Variants in CHAT observed in about 807,000 individuals in gnomAD.
The protein encoded by CHAT is choline O-acetyltransferase.
A neutral mutation model predicts 76.9 loss-of-function variants in CHAT; 61 were observed. The observed-to-expected ratio is 0.79, with a 90% CI of 0.65 to 0.98. The LOEUF (loss-of-function observed/expected upper bound fraction) is 0.98, where lower values mean the gene tolerates loss of function less well. CHAT is among the 50% of genes least tolerant of loss of function. The probability of loss-of-function intolerance (pLI) is 0.00; values close to 1 mark genes in which losing one functional copy is unlikely to be tolerated. For missense variants in CHAT, 946 were observed against 986.9 expected, an observed-to-expected ratio of 0.96 and a Z score of 0.56; for synonymous variants, 407 against 397.4, an observed-to-expected ratio of 1.02 and a Z score of -0.29.
In CHAT at chr10:49,614,305, C is replaced by G; in HGVS notation, c.116C>G (p.Ser39Trp). 1 of 1,547,792 alleles carries G rather than the reference C, an allele frequency of 6.5e-7. No individual in the cohort carries two copies. Among genetic ancestry groups the G allele is most frequent in the Non-Finnish European group, 8.7e-7 (1 of 1,146,252 alleles). ...GTGCGGCCAGCTTGCTTTCTCCAGT[C>G]GGGTGGCCGCGGGGACCCGGGCGAC... Reference protein sequence around the residue: ...REVRPACFLQSGGRGDPGDVG... With the variant: ...REVRPACFLQWGGRGDPGDVG... Residue 39 changes from serine to tryptophan, a missense_variant, in exon 1 of 15, where the codon TCG (serine) becomes TGG (tryptophan). Ser to Trp is a radical substitution (Grantham distance 177). Transcript: ENST00000337653.
Position 49,620,500 on chromosome 10 carries a change from T to G in CHAT, c.585T>G (p.Ser195=). 1 of 1,612,018 alleles carries G rather than the reference T, an allele frequency of 6.2e-7. No individual in the cohort carries two copies. Among genetic ancestry groups the G allele is most frequent in the African/African-American group, 1.3e-5 (1 of 75,010 alleles). ...ERQEKTANWV[S]EYWLNDMYLN... is the part of the protein sequence containing the mutation. ...TTCCCTGCCCTCCCCGGCAGGTGTCTGAGTACTGGCTGAATGACATGTATC... is the reference window on the plus strand; with the variant it reads ...TTCCCTGCCCTCCCCGGCAGGTGTCGGAGTACTGGCTGAATGACATGTATC... Residue 195 remains serine (S), a synonymous_variant, in exon 4 of 15, where the codon TCT becomes TCG. Coordinates refer to ENST00000337653, the MANE Select transcript of CHAT (RefSeq NM_020549.5).
Position 49,655,101 on chromosome 10 carries a change from T to C in CHAT, c.1641T>C (p.His547=), listed in dbSNP as rs8178992. Residue 547 remains histidine, a synonymous_variant, in exon 12 of 15, where the codon CAT becomes CAC. Transcript: ENST00000337653. ...CATCCTTCATCCCACGCAGGCTCCA[T>C]CGAAGACTGGTGCCCACCTACGAGA... ...VALQLAFYRL[H]RRLVPTYESA... 0.88 allele frequency: 1,422,937 copies of C among 1,613,882 alleles called. 630,914 individuals are homozygous for C. The highest frequency in any genetic ancestry group is 0.91 in the Non-Finnish European group (1,072,234 of 1,179,906).
intron 13 of CHAT, among the ~76,000 whole-genome samples, chr10:49,659,670 T>A (rs199641149): frequency 6.6e-6 from 1 of 152,138 alleles, no homozygotes; most frequent in East Asian, 1.9e-4. Context: ...AAGACCAGCC[T>A]GGCCAACATG....
intron 6 of CHAT, among the ~76,000 whole-genome samples, chr10:49,627,256 T>C (rs762471376): frequency 4.6e-5 from 7 of 152,246 alleles, no homozygotes; most frequent in Non-Finnish European, 1.5e-5. Context: ...CATTTATAAG[T>C]GCAATTGCTT....
In CHAT at chr10:49,620,577, C is replaced by T. The variant is rs1375003470; in HGVS notation, c.662C>T (p.Ala221Val). 1.2e-6 allele frequency: 2 copies of T among 1,613,618 alleles called. No individual in the cohort carries two copies. Among genetic ancestry groups the T allele is most frequent in the Non-Finnish European group, 1.7e-6 (2 of 1,179,722 alleles). ...AACTCCAGCCCTGCCGTGATCTTTG[C>T]TCGGCAGCACTTCCCTGGCACCGAT... ...PVNSSPAVIF[A>V]RQHFPGTDDQ... Residue 221 changes from alanine to valine, a missense_variant, in exon 4 of 15, where the codon GCT becomes GTT. Around this residue, in one of 3 missense-constraint regions of CHAT, gnomAD observed 548 missense variants for 516.2 expected, o/e 1.06. Transcript: ENST00000337653.
upstream of CHAT, among the ~76,000 whole-genome samples, chr10:49,610,019 G>T (rs1334673473): frequency 1.3e-5 from 2 of 151,994 alleles, no homozygotes; most frequent in Admixed American, 1.3e-4. Context: ...CTAGAACCGC[G>T]GGCGGGGGGC....
At position 49,667,194 on chromosome 10, in the gene CHAT, G is replaced by A. The variant is rs970984176; in HGVS notation, c.*2148G>A. On this transcript the variant is annotated 3_prime_UTR_variant, in exon 15 of 15. Coordinates refer to ENST00000337653, the MANE Select transcript of CHAT (RefSeq NM_020549.5). The stretch of plus-strand genomic sequence containing the variant: ...CAGTAGCTAATGTCTAAAAGACACA[G>A]GGGCCAGGAGAGAAAAGGGAGGAAA... Among the ~76,000 whole-genome samples, 2 of 152,204 alleles carry A rather than the reference G, an allele frequency of 1.3e-5. No homozygotes were observed. Among genetic ancestry groups the A allele is most frequent in the Non-Finnish European group, 2.9e-5 (2 of 68,034 alleles).
intron 1 of CHAT, among the ~76,000 whole-genome samples, chr10:49,614,776 A>G (rs1838421946): frequency 6.6e-6 from 1 of 152,176 alleles, no homozygotes; most frequent in East Asian, 1.9e-4. Context: ...GTCTAGTCGG[A>G]GGGTCCTTGG....
chr10:49,636,649 G>A (rs1839302453), intron 7 of CHAT, among the ~76,000 whole-genome samples: 1 of 152,148 alleles, frequency 6.6e-6, no homozygotes, highest in Non-Finnish European at 1.5e-5. Flanking sequence ...ATTTGGGCCT[G>A]AAGATTTCTT....
At chr10:49,644,925 G>A (rs934524918) in intron 7 of CHAT, among the ~76,000 whole-genome samples, 3 of 152,214 alleles carry the variant, frequency 2.0e-5, no homozygotes, top group Non-Finnish European at 4.4e-5. Flanking sequence ...GCCCAAGGAA[G>A]GCAAAACGCA....
intron 7 of CHAT, among the ~76,000 whole-genome samples, chr10:49,629,264 G>T (rs549273461): frequency 6.6e-6 from 1 of 152,196 alleles, no homozygotes; most frequent in Non-Finnish European, 1.5e-5. Flanking sequence ...AGAGTGAAGG[G>T]TGATTAAAAA....
chr10:49,622,219 C>G, intron 5 of CHAT, 69 bp downstream of exon 5: 1 of 1,521,430 alleles, frequency 6.6e-7, no homozygotes, highest in Non-Finnish European at 9.1e-7. Context: ...TTGCAGGGAC[C>G]TTGTCTTTTT....
intron 13 of CHAT, among the ~76,000 whole-genome samples, chr10:49,658,984 A>G (rs1163404984): frequency 6.6e-6 from 1 of 152,236 alleles, no homozygotes; most frequent in African/African-American, 2.4e-5. Flanking sequence ...AAAGAGGCTT[A>G]GTCCAGGAGA....
intron 7 of CHAT, among the ~76,000 whole-genome samples, chr10:49,639,778 G>A (rs1275353249): frequency 2.0e-5 from 3 of 152,088 alleles, no homozygotes; most frequent in Non-Finnish European, 4.4e-5. Flanking sequence ...TTGGGGATGC[G>A]TTAGCCATTA....
intron 5 of CHAT, among the ~76,000 whole-genome samples, chr10:49,623,855 G>A (rs144140911): frequency 6.6e-6 from 1 of 152,158 alleles, no homozygotes; most frequent in Admixed American, 6.5e-5. Context: ...CCTCCCCACT[G>A]TGTCCCCAAG....
At chr10:49,637,615 G>T in intron 7 of CHAT, 2 of 152,854 alleles carry the variant, frequency 1.3e-5, no homozygotes, top group South Asian at 3.8e-4. Context: ...GTTCTGCCAT[G>T]ATTGTAAATT....
chr10:49,653,075 C>A (rs972592695), intron 11 of CHAT, among the ~76,000 whole-genome samples: 1 of 151,926 alleles, frequency 6.6e-6, no homozygotes, highest in African/African-American at 2.4e-5. Context: ...ATCCCCGCGA[C>A]CCTGACATTC....
intron 7 of CHAT, among the ~76,000 whole-genome samples, chr10:49,629,403 C>T (rs1040786131): frequency 1.2e-4 from 18 of 152,312 alleles, no homozygotes; most frequent in African/African-American, 4.3e-4. Flanking sequence ...AGCTGACTGC[C>T]CTCCCGGACC....
intron 11 of CHAT, among the ~76,000 whole-genome samples, chr10:49,653,898 C>A (rs1319602057): frequency 2.0e-5 from 3 of 152,256 alleles, no homozygotes; most frequent in Non-Finnish European, 4.4e-5. Context: ...GCAGCCTGCA[C>A]AATGCACCCC....
Sources: gnomAD v4.1 joint callset for allele counts (sites outside exome capture counted in the v4.1 genomes callset) on GRCh38, gnomAD v4.1.1 for gene constraint, gnomAD v4.1.1 regional missense constraint, MANE v1.5 for transcripts, NCBI Gene and HGNC (gene_info 2026-07-23, HGNC 2026-07-21) for gene names.